The following CSMD1 variants were observed in gnomAD, a reference collection of about 807,000 sequenced individuals.
CSMD1 encodes the protein CUB and Sushi multiple domains 1.
A neutral mutation model predicts 417.5 loss-of-function variants in CSMD1; 213 were observed. The ratio of observed to expected loss-of-function variants is 0.51; its 90% CI spans 0.46 to 0.57. CSMD1 has a LOEUF of 0.57. CSMD1 is among the 20% of genes least tolerant of loss of function. CSMD1 has a pLI of 0.00. For synonymous variants in CSMD1, 2,862 were observed against 1,736.8 expected (o/e 1.65, Z -16.11); for missense variants, 6,923 against 4,529.7 (o/e 1.53, Z -15.17).
intron 10 of CSMD1, among the ~76,000 whole-genome samples, chr8:3,558,409 A>ATGGTGCCTCAATAGTACCC (rs1563152352): frequency 6.9e-6 from 1 of 145,908 alleles, no homozygotes; most frequent in Admixed American, 6.9e-5. Flanking sequence ...CCAATGATGA[A>ATGGTGCCTCAATAGTACCC]CGGTGCCTCA....
chr8:4,771,736 T>C (rs1303670045), intron 1 of CSMD1, among the ~76,000 whole-genome samples: 1 of 152,190 alleles, frequency 6.6e-6, no homozygotes, highest in Non-Finnish European at 1.5e-5. Flanking sequence ...GAGAAGTCTA[T>C]ATGAGAGATG....
intron 33 of CSMD1, among the ~76,000 whole-genome samples, chr8:3,196,589 C>G (rs959268384): frequency 2.6e-5 from 4 of 152,176 alleles, no homozygotes; most frequent in African/African-American, 4.8e-5. Flanking sequence ...ATGCCAGCTT[C>G]TCACCATAGC....
chr8:3,030,024 A>T (rs1469227020), intron 50 of CSMD1, among the ~76,000 whole-genome samples: 3 of 152,082 alleles, frequency 2.0e-5, no homozygotes, highest in African/African-American at 4.8e-5. Flanking sequence ...ACAGAAATAC[A>T]TAGGCATACT....
chr8:3,504,199 A>G (rs2117358918), intron 10 of CSMD1, among the ~76,000 whole-genome samples: 1 of 152,298 alleles, frequency 6.6e-6, no homozygotes, highest in South Asian at 2.1e-4. Context: ...GAAACACTGC[A>G]TGTACCCCAT....
rs749824717 is a variant in CSMD1, at chr8:3,616,697, T to C, written c.1097+13A>G. On this transcript the variant is annotated intron_variant, in intron 8 of 69. Coordinates refer to ENST00000635120, the MANE Select transcript of CSMD1 (RefSeq NM_033225.6). The stretch of plus-strand genomic sequence containing the variant: ...AATAACATGCTTTTTTCCACCACTA[T>C]TGTATCTCTTACCTGAAGTCGGAAC... 2.5e-5 allele frequency: 38 copies of C among 1,538,180 alleles called. No individual in the cohort carries two copies. Among genetic ancestry groups the C allele is most frequent in the Non-Finnish European group, 3.3e-5 (37 of 1,112,200 alleles).
intron 1 of CSMD1, among the ~76,000 whole-genome samples, chr8:4,758,172 C>T (rs530970672): frequency 6.6e-6 from 1 of 152,172 alleles, no homozygotes; most frequent in African/African-American, 2.4e-5. Flanking sequence ...GAGGTGTTTG[C>T]ATTTCCTTCT....
chr8:4,783,659 C>A (rs1797265484), intron 1 of CSMD1, among the ~76,000 whole-genome samples: 1 of 152,192 alleles, frequency 6.6e-6, no homozygotes, highest in African/African-American at 2.4e-5. Flanking sequence ...TTGTCATGAA[C>A]AGGCTGAAGC....
At chr8:3,635,718 C>A (rs1238770972) in intron 7 of CSMD1, among the ~76,000 whole-genome samples, 3 of 147,142 alleles carry the variant, frequency 2.0e-5, no homozygotes, top group East Asian at 2.0e-4. Context: ...CTCCTGACCT[C>A]GTGATCTGCC....
At chr8:4,747,949 G>A (rs1278417641) in intron 1 of CSMD1, among the ~76,000 whole-genome samples, 1 of 152,166 alleles carries the variant, frequency 6.6e-6, no homozygotes, top group Non-Finnish European at 1.5e-5. Flanking sequence ...ACTACCATAT[G>A]TTCTGCCTTC....
intron 23 of CSMD1, among the ~76,000 whole-genome samples, 182 bp from the exon 24 acceptor site, chr8:3,308,685 T>A (rs1200627285): frequency 1.3e-5 from 2 of 151,480 alleles, no homozygotes; most frequent in African/African-American, 4.9e-5. Flanking sequence ...TACCCATTTG[T>A]GATTTCTTGA....
Position 3,230,182 on chromosome 8 carries a change from G to A in CSMD1, c.4203C>T (p.Thr1401=). 6.2e-7 allele frequency: 1 copy of A among 1,611,684 alleles called. No homozygotes were observed. The highest frequency in any genetic ancestry group is 8.5e-7 in the Non-Finnish European group (1 of 1,178,830). Reference sequence around the variant, plus strand: ...CAGCCTCTCTGCTGTCTCCATAGCGGGTGCCATTTTGGGGCATACCTGGAT... The same window carrying A: ...CAGCCTCTCTGCTGTCTCCATAGCGAGTGCCATTTTGGGGCATACCTGGAT... ...CNDPGMPQNG[T]RYGDSREAGD... The change falls in exon 27 of 70, where the codon ACC becomes ACT. Residue 1401 remains threonine, a synonymous_variant. Transcript: ENST00000635120.
At chr8:4,653,208 G>C (rs1044975720) in intron 1 of CSMD1, among the ~76,000 whole-genome samples, 1 of 152,046 alleles carries the variant, frequency 6.6e-6, no homozygotes, top group African/African-American at 2.4e-5. Context: ...CAATTTTAGA[G>C]ATAAAGCAAA....
chr8:4,035,906 A>G (rs1357119549), intron 3 of CSMD1, among the ~76,000 whole-genome samples: 5 of 152,188 alleles, frequency 3.3e-5, no homozygotes, highest in Admixed American at 6.5e-5. Context: ...TCACTCACAC[A>G]CAGACTCACC....
chr8:3,060,984 A>C (rs879304864), intron 49 of CSMD1, among the ~76,000 whole-genome samples: 10 of 152,216 alleles, frequency 6.6e-5, no homozygotes, highest in African/African-American at 1.4e-4. Flanking sequence ...CAATGGTGTG[A>C]AACCATGATC....
At chr8:3,968,076 C>A (rs973297020) in intron 5 of CSMD1, among the ~76,000 whole-genome samples, 2 of 150,814 alleles carry the variant, frequency 1.3e-5, no homozygotes, top group African/African-American at 4.9e-5. Flanking sequence ...AGTCCCAGCT[C>A]CTCGGCAGGC....
intron 10 of CSMD1, among the ~76,000 whole-genome samples, chr8:3,555,035 G>C (rs1799084133): frequency 6.6e-6 from 1 of 152,106 alleles, no homozygotes; most frequent in Admixed American, 6.5e-5. Context: ...CTGTGCGTGA[G>C]GAGTCCTCCG....
chr8:4,208,675 C>G (rs768417606), intron 3 of CSMD1, among the ~76,000 whole-genome samples: 1 of 152,048 alleles, frequency 6.6e-6, no homozygotes, highest in Non-Finnish European at 1.5e-5. Context: ...TTATGCAAAA[C>G]ATCATGATGA....
At chr8:4,504,171 A>G (rs1802404777) in intron 2 of CSMD1, among the ~76,000 whole-genome samples, 1 of 152,134 alleles carries the variant, frequency 6.6e-6, no homozygotes, top group Non-Finnish European at 1.5e-5. Context: ...AGATCCTGCC[A>G]TAGCAACAAT....
chr8:4,560,883 C>T (rs1034354612), intron 2 of CSMD1, among the ~76,000 whole-genome samples: 1 of 152,214 alleles, frequency 6.6e-6, no homozygotes, highest in African/African-American at 2.4e-5. Context: ...ACAGTGGTGT[C>T]TCTTCCTCCT....
Sources: allele counts gnomAD v4.1 joint callset (sites outside exome capture counted in the v4.1 genomes callset), GRCh38; gene constraint gnomAD v4.1.1; transcripts MANE v1.5; gene names NCBI Gene and HGNC (gene_info 2026-07-23, HGNC 2026-07-21).